GPC6: variants seen among roughly 807,000 people sequenced by gnomAD.
GPC6 encodes the protein glypican 6, also known as glypican-6.
Under a neutral mutation model 55.2 loss-of-function variants are expected in GPC6, and 14 were observed. The ratio of observed to expected loss-of-function variants is 0.25; its 90% CI spans 0.17 to 0.40. GPC6 has a LOEUF of 0.40. Among genes scored for constraint, GPC6 ranks in the 10% least tolerant of loss-of-function variants. The pLI, the probability that GPC6 is intolerant of heterozygous loss-of-function variation, is 1.00. For synonymous variants in GPC6, 278 were observed against 259.6 expected (o/e 1.07, Z -0.68); for missense variants, 641 against 708.5 (o/e 0.90, Z 1.08).
intron 1 of GPC6, among the ~76,000 whole-genome samples, chr13:93,344,506 A>G (rs1386751563): frequency 6.6e-6 from 1 of 152,192 alleles, no homozygotes; most frequent in African/African-American, 2.4e-5. Context: ...TCATCAATAA[A>G]GTAGGCTACA....
At chr13:94,298,049 A>G (rs568371782) in intron 5 of GPC6, among the ~76,000 whole-genome samples, 92 of 152,122 alleles carry the variant, frequency 6.0e-4, no homozygotes, top group Non-Finnish European at 1.2e-3. Flanking sequence ...TAAAAAAAAA[A>G]CTGACATTTA....
chr13:94,405,636 G>T lies in GPC6; in HGVS notation c.*2419G>T, dbSNP rs990085155. ...ATAATATTAGTGAATGTGAACCCATGTTCTATACGCACTAAACACACAGTT... is the reference window on the plus strand; with the variant it reads ...ATAATATTAGTGAATGTGAACCCATTTTCTATACGCACTAAACACACAGTT... On this transcript the variant is annotated 3_prime_UTR_variant, in exon 9 of 9. Coordinates refer to ENST00000377047, the MANE Select transcript of GPC6 (RefSeq NM_005708.5). The T allele has an allele frequency of 7.2e-5, 11 of 152,026 alleles. No individual in the cohort carries two copies. The highest frequency in any genetic ancestry group is 2.7e-4 in the African/African-American group (11 of 41,388). 9.4% of individuals were successfully genotyped at this position (152,026 alleles called of 1,614,324 possible).
intron 4 of GPC6, among the ~76,000 whole-genome samples, chr13:94,062,527 AG>A (rs1462966598): frequency 6.6e-6 from 1 of 152,188 alleles, no homozygotes; most frequent in African/African-American, 2.4e-5. Flanking sequence ...CTGTGATTAC[AG>A]GCATGAACCA....
chr13:93,961,808 C>T (rs35534726), intron 3 of GPC6, among the ~76,000 whole-genome samples: 19,550 of 151,160 alleles, frequency 0.13, 1,612 homozygotes, highest in East Asian at 0.23. Context: ...TTCTCCCCTC[C>T]TTTTTTTTTA....
chr13:93,996,925 T>C (rs1301973109), intron 3 of GPC6, among the ~76,000 whole-genome samples: 3 of 152,198 alleles, frequency 2.0e-5, no homozygotes, highest in African/African-American at 7.2e-5. Context: ...GCTTGGCCAC[T>C]AAGTTTTGAA....
intron 1 of GPC6, among the ~76,000 whole-genome samples, chr13:93,322,431 C>CTTTTTT (rs71272281): frequency 8.4e-4 from 81 of 96,748 alleles, no homozygotes; most frequent in Non-Finnish European, 1.1e-3. Context: ...TTTCTTTCTT[C>CTTTTTT]TTTTTTTTTT....
chr13:93,566,015 A>G (rs1280216867), intron 2 of GPC6, among the ~76,000 whole-genome samples: 4 of 152,174 alleles, frequency 2.6e-5, no homozygotes, highest in Non-Finnish European at 5.9e-5. Context: ...CAACAAAAAA[A>G]TATAGTGAGT....
chr13:93,609,895 A>G (rs1422070523), intron 2 of GPC6, among the ~76,000 whole-genome samples: 1 of 152,186 alleles, frequency 6.6e-6, no homozygotes, highest in Non-Finnish European at 1.5e-5. Flanking sequence ...ATGATAAAGC[A>G]ACCGACAATA....
At chr13:93,387,788 C>A (rs1052304218) in intron 1 of GPC6, among the ~76,000 whole-genome samples, 5 of 152,206 alleles carry the variant, frequency 3.3e-5, no homozygotes, top group Non-Finnish European at 7.3e-5. Flanking sequence ...CACATATGGT[C>A]TGAATTTATC....
chr13:93,419,415 C>T (rs1380274665), intron 1 of GPC6, among the ~76,000 whole-genome samples: 1 of 151,982 alleles, frequency 6.6e-6, no homozygotes, highest in Non-Finnish European at 1.5e-5. Context: ...AATTAAAATA[C>T]TATGTTAATG....
At chr13:94,263,705 GA>G (rs1303116014) in intron 4 of GPC6, among the ~76,000 whole-genome samples, 1 of 152,200 alleles carries the variant, frequency 6.6e-6, no homozygotes, top group Non-Finnish European at 1.5e-5. Flanking sequence ...CTCTTAGCCA[GA>G]AAAGAAAATC....
At chr13:93,425,800 C>G (rs1213124107) in intron 1 of GPC6, among the ~76,000 whole-genome samples, 6 of 152,164 alleles carry the variant, frequency 3.9e-5, no homozygotes, top group Non-Finnish European at 7.3e-5. Context: ...ACCCCTCTCC[C>G]AGCTCCACTT....
chr13:93,294,620 G>T, intron 1 of GPC6, among the ~76,000 whole-genome samples: 1 of 152,118 alleles, frequency 6.6e-6, no homozygotes, highest in East Asian at 1.9e-4. Flanking sequence ...TCTCGAAGTT[G>T]CTTAGAGTCT....
chr13:94,105,053 C>G (rs1886002727), intron 4 of GPC6, among the ~76,000 whole-genome samples: 1 of 152,122 alleles, frequency 6.6e-6, no homozygotes, highest in Admixed American at 6.6e-5. Context: ...ATCACGCTAC[C>G]TGACTTCTAG....
chr13:94,070,152 C>T (rs1884673227), intron 4 of GPC6, among the ~76,000 whole-genome samples: 1 of 152,178 alleles, frequency 6.6e-6, no homozygotes, highest in African/African-American at 2.4e-5. Context: ...GAGCAAGTTA[C>T]ATCTTACAAG....
chr13:93,604,537 T>C (rs528930130), intron 2 of GPC6, among the ~76,000 whole-genome samples: 6 of 152,358 alleles, frequency 3.9e-5, no homozygotes, highest in East Asian at 3.9e-4. Context: ...GATGATCTTC[T>C]TTAATGCAAA....
chr13:93,541,975 C>T (rs1482747118), intron 1 of GPC6, among the ~76,000 whole-genome samples: 1 of 152,034 alleles, frequency 6.6e-6, no homozygotes, highest in Non-Finnish European at 1.5e-5. Context: ...TTGTAGGTTG[C>T]CTGTTCACTC....
chr13:93,922,054 A>G (rs753575624), intron 3 of GPC6, among the ~76,000 whole-genome samples: 2 of 152,220 alleles, frequency 1.3e-5, no homozygotes, highest in African/African-American at 2.4e-5. Context: ...TTGAACTTGC[A>G]TATTGAATCA....
intron 2 of GPC6, among the ~76,000 whole-genome samples, chr13:93,675,625 T>G (rs1379954802): frequency 6.6e-6 from 1 of 152,180 alleles, no homozygotes; most frequent in Non-Finnish European, 1.5e-5. Flanking sequence ...GTTGAAAAAT[T>G]ATCTGGAAAC....
Sources: allele counts gnomAD v4.1 joint callset (sites outside exome capture counted in the v4.1 genomes callset), GRCh38; gene constraint gnomAD v4.1.1; transcripts MANE v1.5; gene names NCBI Gene and HGNC (gene_info 2026-07-23, HGNC 2026-07-21).